KDM2A: variants seen among roughly 807,000 people sequenced by gnomAD.
KDM2A encodes the protein lysine-specific demethylase 2A.
KDM2A carries 3 observed loss-of-function variants against 137.3 expected under a neutral mutation model. The observed-to-expected ratio is 0.02, with a 90% confidence interval of 0.01 to 0.06. KDM2A has a LOEUF of 0.06. Ranked by LOEUF, KDM2A falls within the 10% of genes least tolerant of loss-of-function variation. KDM2A has a pLI of 1.00. For synonymous variants in KDM2A, 512 were observed against 541.5 expected (o/e 0.95, Z 0.76); for missense variants, 738 against 1,510.6 (o/e 0.49, Z 8.48).
chr11:67,183,726 A>G (rs1417625243), intron 5 of KDM2A, among the ~76,000 whole-genome samples: 2 of 152,190 alleles, frequency 1.3e-5, no homozygotes, highest in Non-Finnish European at 2.9e-5. Context: ...TATAGGAGCC[A>G]GGGTGAGCAA....
In KDM2A at chr11:67,250,729, C is replaced by A; in HGVS notation, c.2699C>A (p.Ser900Tyr). 6.4e-7 allele frequency: 1 copy of A among 1,562,028 alleles called. No individual in the cohort carries two copies. The highest frequency in any genetic ancestry group is 1.2e-5 in the South Asian group (1 of 82,240). The change falls in exon 17 of 21, where the codon TCT becomes TAT. Residue 900 changes from serine to tyrosine, a missense_variant. Transcript: ENST00000529006. This position sits in a 1 kb window ranked among gnomAD's most constrained non-coding sequence, Gnocchi z 7.1. Reference protein sequence around the residue: ...ESWMQREVWMSVFRYLSRREL... With the variant: ...ESWMQREVWMYVFRYLSRREL... The stretch of plus-strand genomic sequence containing the variant: ...TGGATGCAGCGGGAGGTCTGGATGT[C>A]TGTCTTCCGCTACCTCAGCCGCAGA...
chr11:67,194,495 G>T (rs1857433752), intron 5 of KDM2A, among the ~76,000 whole-genome samples: 1 of 152,090 alleles, frequency 6.6e-6, no homozygotes, highest in Non-Finnish European at 1.5e-5. Flanking sequence ...ATATACTGTG[G>T]ACCCTGAAAA....
At position 67,162,975 on chromosome 11, in the gene KDM2A, G is replaced by A. The variant is rs895518555; in HGVS notation, c.43-17104G>A. Among the ~76,000 whole-genome samples, 10 of 152,288 alleles carry A rather than the reference G, an allele frequency of 6.6e-5. No homozygotes were observed. In the East Asian group the frequency reaches 1.5e-3, roughly 23 times the overall value. On this transcript the variant is annotated intron_variant, in intron 2 of 20. Transcript: ENST00000529006. Reference sequence around the variant, plus strand: ...TCCTCTTGCCCCAGCCTCCCAAAGCGTTGGGATTATAGGCTTGAGCCACCA... The same window carrying A: ...TCCTCTTGCCCCAGCCTCCCAAAGCATTGGGATTATAGGCTTGAGCCACCA...
In KDM2A at chr11:67,158,861, T is replaced by C. The variant is rs942092987; in HGVS notation, c.43-21218T>C. Reference sequence around the variant, plus strand: ...TTAGATCTTTTGCTTACTGTTTTATTGTGCTGGTTTTTTTATTGTGATGTT... The same window carrying C: ...TTAGATCTTTTGCTTACTGTTTTATCGTGCTGGTTTTTTTATTGTGATGTT... On this transcript the variant is annotated intron_variant, in intron 2 of 20. Coordinates refer to ENST00000529006, the MANE Select transcript of KDM2A (RefSeq NM_012308.3). 9.2e-5 allele frequency among the ~76,000 whole-genome samples: 14 copies of C among 152,200 alleles called. 2 individuals are homozygous for C. The highest frequency in any genetic ancestry group is 7.9e-4 in the Admixed American group (12 of 15,264).
chr11:67,182,334 T>G (rs1395319876), intron 5 of KDM2A, among the ~76,000 whole-genome samples: 1 of 152,132 alleles, frequency 6.6e-6, no homozygotes, highest in Non-Finnish European at 1.5e-5. Flanking sequence ...GTAGATACAT[T>G]AAAATTGAGT....
intron 12 of KDM2A, chr11:67,240,261 C>G (rs1858989011): frequency 6.5e-7 from 1 of 1,535,540 alleles, no homozygotes; most frequent in East Asian, 2.4e-5. Context: ...TTCCCAGAGG[C>G]AGAATATCTA....
intron 12 of KDM2A, among the ~76,000 whole-genome samples, chr11:67,234,900 A>G (rs1038434698): frequency 2.0e-5 from 3 of 151,992 alleles, no homozygotes; most frequent in Non-Finnish European, 4.4e-5. Context: ...TAGTCCCAGC[A>G]CTTTGGGAAG....
intron 2 of KDM2A, among the ~76,000 whole-genome samples, chr11:67,124,045 C>T (rs1166784835): frequency 6.6e-6 from 1 of 152,078 alleles, no homozygotes; most frequent in Non-Finnish European, 1.5e-5. Flanking sequence ...GCTCTGTTGC[C>T]CAGGCTGGAG....
chr11:67,231,785 A>G lies in KDM2A; in HGVS notation c.1304A>G (p.Asn435Ser), dbSNP rs1490095426. The G allele has an allele frequency of 8.7e-6, 14 of 1,613,916 alleles. No homozygotes were observed. The highest frequency in any genetic ancestry group is 1.3e-5 in the African/African-American group (1 of 74,938). The change falls in exon 12 of 21, where the codon AAT becomes AGT. Residue 435 changes from asparagine to serine, a missense_variant. Coordinates refer to ENST00000529006, the MANE Select transcript of KDM2A (RefSeq NM_012308.3). ...SSSDCSRGSH[N>S]GQVWDPQCAP... ...TCTGACTGTAGCCGGGGCTCCCACAATGGACAAGTGTGGGATCCCCAGTGT... is the reference window on the plus strand; with the variant it reads ...TCTGACTGTAGCCGGGGCTCCCACAGTGGACAAGTGTGGGATCCCCAGTGT...
At chr11:67,216,415 T>C (rs1323610611) in intron 8 of KDM2A, among the ~76,000 whole-genome samples, 3 of 152,258 alleles carry the variant, frequency 2.0e-5, no homozygotes, top group African/African-American at 7.2e-5. Flanking sequence ...TTTGAGGATG[T>C]AAACAGGTTT....
At chr11:67,174,936 C>G (rs1428743252) in intron 2 of KDM2A, among the ~76,000 whole-genome samples, 1 of 152,080 alleles carries the variant, frequency 6.6e-6, no homozygotes, top group Non-Finnish European at 1.5e-5. Flanking sequence ...AGGACTGGTA[C>G]CTACAGAAAG....
chr11:67,180,303 C>T, intron 3 of KDM2A, 86 bp downstream of exon 3: 1 of 1,358,986 alleles, frequency 7.4e-7, no homozygotes, highest in Non-Finnish European at 1.0e-6. Context: ...CTTTATCCAG[C>T]TAAAATATTG....
intron 5 of KDM2A, among the ~76,000 whole-genome samples, chr11:67,190,630 A>G (rs1053313033): frequency 6.6e-6 from 1 of 151,874 alleles, no homozygotes; most frequent in Non-Finnish European, 1.5e-5. Flanking sequence ...ACATGGTTGC[A>G]TGTTCCTGTA....
chr11:67,236,282 C>T (rs1399234701), intron 12 of KDM2A, among the ~76,000 whole-genome samples: 3 of 152,092 alleles, frequency 2.0e-5, no homozygotes, highest in African/African-American at 7.2e-5. Flanking sequence ...AGGTGTGTGC[C>T]ACCACGCCTG....
intron 2 of KDM2A, among the ~76,000 whole-genome samples, chr11:67,122,535 C>T (rs568254177): frequency 6.6e-5 from 10 of 152,160 alleles, no homozygotes; most frequent in South Asian, 6.2e-4. Context: ...ACCATGTTGG[C>T]CAGGATGATC....
chr11:67,215,811 CT>C, intron 7 of KDM2A, 44 bp from the exon 8 acceptor site: 1 of 1,487,910 alleles, frequency 6.7e-7, no homozygotes, highest in Non-Finnish European at 9.4e-7. Flanking sequence ...GGCAGATGTA[CT>C]TTTTTCCATC....
intron 10 of KDM2A, among the ~76,000 whole-genome samples, chr11:67,227,016 C>G (rs1245419824): frequency 6.6e-6 from 1 of 152,160 alleles, no homozygotes; most frequent in African/African-American, 2.4e-5. Flanking sequence ...GTCTTCCTCA[C>G]TGATTAATCT....
chr11:67,166,819 G>A (rs1856758431), intron 2 of KDM2A, among the ~76,000 whole-genome samples: 1 of 152,188 alleles, frequency 6.6e-6, no homozygotes, highest in African/African-American at 2.4e-5. Context: ...GGTCATGTCT[G>A]TAACTCCAGC....
intron 5 of KDM2A, among the ~76,000 whole-genome samples, chr11:67,200,555 A>C (rs1857594584): frequency 6.6e-6 from 1 of 151,836 alleles, no homozygotes; most frequent in African/African-American, 2.4e-5. Context: ...TCTGTTGCCC[A>C]AGTTGGAGTG....
Sources: allele counts gnomAD v4.1 joint callset (sites outside exome capture counted in the v4.1 genomes callset), GRCh38; gene constraint gnomAD v4.1.1; non-coding constraint Gnocchi (gnomAD v3.1); transcripts MANE v1.5; gene names NCBI Gene and HGNC (gene_info 2026-07-23, HGNC 2026-07-21).